The following ATP9B variants were observed in gnomAD, a reference collection of about 807,000 sequenced individuals.
The protein encoded by ATP9B is probable phospholipid-transporting ATPase IIB.
Under a neutral mutation model 146.1 loss-of-function variants are expected in ATP9B, and 110 were observed. That is an observed-to-expected ratio of 0.75 (90% confidence interval 0.65 to 0.88). The LOEUF (loss-of-function observed/expected upper bound fraction) is 0.88, where lower values mean the gene tolerates loss of function less well. Among genes scored for constraint, ATP9B ranks in the 40% least tolerant of loss-of-function variants. ATP9B has a pLI of 0.00. For missense variants in ATP9B, 1,499 were observed against 1,496.4 expected (o/e 1.00, Z -0.03); for synonymous variants, 604 against 569.7 (o/e 1.06, Z -0.86).
At chr18:79,342,122 T>G in intron 19 of ATP9B, 146 bp from the exon 20 acceptor site, 1 of 631,938 alleles carries the variant, frequency 1.6e-6, no homozygotes, top group Admixed American at 2.4e-5. Context: ...CTCCATTGTA[T>G]GTATGGAACA....
rs1221482833 is a variant in ATP9B at position 79,113,258 on chromosome 18, C to G, written c.462C>G (p.Phe154Leu). The G allele has an allele frequency of 3.2e-6, 5 of 1,581,006 alleles. No individual in the cohort carries two copies. In the East Asian group the frequency reaches 1.1e-4, roughly 36 times the overall value. Residue 154 changes from phenylalanine (F) to leucine (L), a missense_variant, in exon 4 of 30, where the codon TTC (phenylalanine) becomes TTG (leucine). Transcript: ENST00000426216. Reference protein sequence around the residue: ...TFIPGVLYEQFKFFLNLYFLV... With the variant: ...TFIPGVLYEQLKFFLNLYFLV... Reference sequence around the variant, plus strand: ...CTTTTTAGGTTTTGTATGAACAATTCAAGTTTTTCTTGAATCTCTATTTTC... The same window carrying G: ...CTTTTTAGGTTTTGTATGAACAATTGAAGTTTTTCTTGAATCTCTATTTTC...
chr18:79,356,834 AT>A (rs2096957311), intron 25 of ATP9B, among the ~76,000 whole-genome samples: 3 of 49,318 alleles, frequency 6.1e-5, no homozygotes, highest in Admixed American at 4.0e-4. Flanking sequence ...TGTGTGAGGG[AT>A]GCTCTGGGTC....
intron 11 of ATP9B, among the ~76,000 whole-genome samples, chr18:79,240,746 C>CA (rs1267434433): frequency 6.6e-6 from 1 of 152,130 alleles, no homozygotes; most frequent in Non-Finnish European, 1.5e-5. Context: ...AACTCCGCCT[C>CA]AAAAAACAAC....
chr18:79,232,024 G>A (rs2095797965), intron 11 of ATP9B, among the ~76,000 whole-genome samples: 2 of 151,986 alleles, frequency 1.3e-5, no homozygotes, highest in South Asian at 2.1e-4. Flanking sequence ...AGGGTGGGAG[G>A]TGGGCGAGGG....
At chr18:79,274,188 G>A (rs1024995507) in intron 12 of ATP9B, among the ~76,000 whole-genome samples, 1 of 152,148 alleles carries the variant, frequency 6.6e-6, no homozygotes. Flanking sequence ...GACATATTAT[G>A]TTACAGTATA....
intron 15 of ATP9B, among the ~76,000 whole-genome samples, chr18:79,312,767 A>G (rs2096659834): frequency 6.6e-6 from 1 of 152,176 alleles, no homozygotes; most frequent in East Asian, 1.9e-4. Flanking sequence ...ATAGTTTAGC[A>G]AGGCCATGTC....
At chr18:79,143,759 G>A in intron 5 of ATP9B, 43 bp from the exon 6 acceptor site, 6 of 1,266,938 alleles carry the variant, frequency 4.7e-6, no homozygotes, top group Non-Finnish European at 6.6e-6. Context: ...ACTTGGGTGT[G>A]CTGTTGTTTC....
At chr18:79,130,281 C>T (rs149533185) in intron 5 of ATP9B, among the ~76,000 whole-genome samples, 1 of 152,136 alleles carries the variant, frequency 6.6e-6, no homozygotes, top group Non-Finnish European at 1.5e-5. Flanking sequence ...AGGAAGCAAA[C>T]AAATTCTGGC....
intron 4 of ATP9B, among the ~76,000 whole-genome samples, chr18:79,122,187 T>C (rs184327365): frequency 2.6e-5 from 4 of 152,308 alleles, no homozygotes; most frequent in Admixed American, 1.3e-4. Flanking sequence ...CTTTAAAATA[T>C]TGTCTATACT....
intron 25 of ATP9B, among the ~76,000 whole-genome samples, chr18:79,355,983 G>A (rs1309145429): frequency 2.0e-5 from 3 of 152,204 alleles, no homozygotes; most frequent in East Asian, 1.9e-4. Flanking sequence ...GGCCGCTTCC[G>A]GAAAGGAAAG....
intron 4 of ATP9B, among the ~76,000 whole-genome samples, chr18:79,125,497 T>C (rs1407681652): frequency 6.6e-6 from 1 of 152,230 alleles, no homozygotes; most frequent in Non-Finnish European, 1.5e-5. Context: ...AAAAAGATTA[T>C]TGTGCTTTCA....
chr18:79,123,923 C>A (rs1382002327), intron 4 of ATP9B, among the ~76,000 whole-genome samples: 1 of 152,176 alleles, frequency 6.6e-6, no homozygotes, highest in African/African-American at 2.4e-5. Flanking sequence ...TGCTCAACGT[C>A]ATTAGTCAGT....
At chr18:79,245,311 G>A (rs1375080587) in intron 11 of ATP9B, among the ~76,000 whole-genome samples, 1 of 152,198 alleles carries the variant, frequency 6.6e-6, no homozygotes, top group African/African-American at 2.4e-5. Context: ...GAATGATGTT[G>A]CATGTTGAGG....
chr18:79,322,012 G>A (rs1378498610), intron 15 of ATP9B, among the ~76,000 whole-genome samples: 1 of 152,208 alleles, frequency 6.6e-6, no homozygotes, highest in Non-Finnish European at 1.5e-5. Flanking sequence ...AGCAATGGTA[G>A]AGCTACACCC....
intron 7 of ATP9B, among the ~76,000 whole-genome samples, chr18:79,161,630 C>T (rs913968465): frequency 4.6e-5 from 7 of 152,150 alleles, no homozygotes; most frequent in African/African-American, 9.7e-5. Flanking sequence ...GGGTGGATCA[C>T]GAGGTCAGGA....
intron 1 of ATP9B, among the ~76,000 whole-genome samples, chr18:79,088,944 A>T (rs2074078702): frequency 6.6e-6 from 1 of 152,232 alleles, no homozygotes. Context: ...CTTACCAGCG[A>T]TTAAGAGTGC....
At chr18:79,287,101 G>A (rs559925737) in intron 13 of ATP9B, among the ~76,000 whole-genome samples, 1,596 of 152,158 alleles carry the variant, frequency 0.01, 31 homozygotes, top group African/African-American at 0.037. Flanking sequence ...TGTCTCTGCC[G>A]GGCTTTGGTA....
intron 13 of ATP9B, among the ~76,000 whole-genome samples, chr18:79,297,358 G>T (rs922639317): frequency 6.8e-6 from 1 of 147,942 alleles, no homozygotes; most frequent in South Asian, 2.2e-4. Context: ...CAGCCAGAGA[G>T]GAGACACAGA....
intron 15 of ATP9B, among the ~76,000 whole-genome samples, chr18:79,327,576 TGCTCTCCGTG>T (rs2096759088): frequency 3.6e-5 from 5 of 139,044 alleles, no homozygotes; most frequent in African/African-American, 1.1e-4. Flanking sequence ...GTGGTTAGCG[TGCTCTCCGTG>T]GTTAACGTGC....
Sources: gnomAD v4.1 joint callset for allele counts (sites outside exome capture counted in the v4.1 genomes callset) on GRCh38, gnomAD v4.1.1 for gene constraint, MANE v1.5 for transcripts, NCBI Gene and HGNC (gene_info 2026-07-23, HGNC 2026-07-21) for gene names.